Variants in DPP8 observed in about 807,000 individuals in gnomAD.
The protein encoded by DPP8 is DPP VIII.
Under a neutral mutation model 107.5 loss-of-function variants are expected in DPP8, and 31 were observed. The ratio of observed to expected loss-of-function variants is 0.29; its 90% CI spans 0.22 to 0.39. DPP8 has a LOEUF of 0.39. Among genes scored for constraint, DPP8 ranks in the 10% least tolerant of loss-of-function variants. DPP8 has a pLI of 1.00. For synonymous variants in DPP8, 381 were observed against 356.6 expected, an observed-to-expected ratio of 1.07 and a Z score of -0.77; for missense variants, 842 against 1,076.1, an observed-to-expected ratio of 0.78 and a Z score of 3.04.
chr15:65,480,032 G>C (rs1372462569), intron 10 of DPP8, among the ~76,000 whole-genome samples, 190 bp downstream of exon 10: 1 of 151,862 alleles, frequency 6.6e-6, no homozygotes, highest in Non-Finnish European at 1.5e-5. Flanking sequence ...CATTTCAATG[G>C]CATCTACTTT....
At chr15:65,496,186 T>G (rs752087099) in intron 5 of DPP8, among the ~76,000 whole-genome samples, 2 of 152,024 alleles carry the variant, frequency 1.3e-5, no homozygotes, top group Non-Finnish European at 2.9e-5. Context: ...GGTTTCACTG[T>G]GTTAGCCAGG....
chr15:65,488,261 T>A (rs2067630344), intron 6 of DPP8, among the ~76,000 whole-genome samples: 1 of 152,130 alleles, frequency 6.6e-6, no homozygotes. Context: ...CATCTTAAAA[T>A]AAAATGTCCA....
chr15:65,459,758 C>G (rs1421287843), intron 15 of DPP8, among the ~76,000 whole-genome samples: 2 of 151,952 alleles, frequency 1.3e-5, no homozygotes, highest in African/African-American at 4.8e-5. Context: ...AGTTCGAGAC[C>G]ATCTTGGCCA....
At chr15:65,451,661 A>T (rs535058333) in intron 18 of DPP8, among the ~76,000 whole-genome samples, 5 of 152,296 alleles carry the variant, frequency 3.3e-5, no homozygotes, top group African/African-American at 1.2e-4. Context: ...CCGGTGGCTC[A>T]TGCCTGTAAT....
At chr15:65,473,306 CAG>C (rs1270672345) in intron 12 of DPP8, among the ~76,000 whole-genome samples, 3 of 134,618 alleles carry the variant, frequency 2.2e-5, no homozygotes. Flanking sequence ...ACCTGGGCGA[CAG>C]AGTGAGACTC....
At chr15:65,510,557 G>A (rs1281911331) in intron 2 of DPP8, among the ~76,000 whole-genome samples, 1 of 149,638 alleles carries the variant, frequency 6.7e-6, no homozygotes, top group Non-Finnish European at 1.5e-5. Flanking sequence ...TTCTTTACTT[G>A]AGACGAAGTC....
At chr15:65,486,835 G>A (rs917491104) in intron 7 of DPP8, among the ~76,000 whole-genome samples, 3 of 152,134 alleles carry the variant, frequency 2.0e-5, no homozygotes, top group Non-Finnish European at 4.4e-5. Context: ...TCCAGAGGAA[G>A]GGTGGTGGGT....
chr15:65,490,821 T>C (rs919899010), intron 5 of DPP8, among the ~76,000 whole-genome samples: 7 of 152,062 alleles, frequency 4.6e-5, no homozygotes, highest in African/African-American at 9.7e-5. Flanking sequence ...AGCAAATAGT[T>C]TGAAGGGGAC....
chr15:65,467,874 T>G (rs914956500), intron 12 of DPP8, among the ~76,000 whole-genome samples: 1 of 152,234 alleles, frequency 6.6e-6, no homozygotes, highest in African/African-American at 2.4e-5. Context: ...TCATACATAC[T>G]TGAAAGTCTA....
At chr15:65,487,867 G>A in intron 6 of DPP8, 49 bp from the exon 7 acceptor site, 1 of 1,327,040 alleles carries the variant, frequency 7.5e-7, no homozygotes, top group Non-Finnish European at 1.1e-6. Context: ...ATTCCAGAGA[G>A]TAGTCATAAC....
intron 11 of DPP8, among the ~76,000 whole-genome samples, chr15:65,476,037 C>G (rs1023588024): frequency 3.3e-5 from 5 of 152,344 alleles, no homozygotes; most frequent in African/African-American, 1.2e-4. Flanking sequence ...CAGGCGTGGG[C>G]CACCTCACCC....
chr15:65,501,530 T>C (rs960926122), intron 3 of DPP8, among the ~76,000 whole-genome samples: 1 of 152,222 alleles, frequency 6.6e-6, no homozygotes, highest in African/African-American at 2.4e-5. Context: ...ATTTTCAAAA[T>C]AGTAATAAAT....
At chr15:65,515,967 GAATT>G (rs1376582508) in intron 1 of DPP8, 1 of 471,924 alleles carries the variant, frequency 2.1e-6, no homozygotes, top group African/African-American at 2.0e-5. Flanking sequence ...CAGAATTCAA[GAATT>G]ATTTTATTTC....
At chr15:65,478,716 G>A (rs1172854749) in intron 11 of DPP8, among the ~76,000 whole-genome samples, 164 bp downstream of exon 11, 1 of 152,116 alleles carries the variant, frequency 6.6e-6, no homozygotes, top group African/African-American at 2.4e-5. Flanking sequence ...ATTGTCCTGT[G>A]TTTTTTACAC....
Position 65,446,888 on chromosome 15 carries a change from A to G in DPP8, c.2645T>C (p.Ile882Thr). The change falls in exon 20 of 20, where the codon ATA becomes ACA. Residue 882 changes from isoleucine to threonine, a missense_variant. Coordinates refer to ENST00000300141, the MANE Select transcript of DPP8 (RefSeq NM_130434.5). ...LGSRIAALKV[I>T] is the part of the protein sequence containing the mutation. ...AGAGTTCTACACAGGTCAAAATTAT[A>G]TCACTTTTAGAGCAGCAATACGTGA... 1.2e-6 allele frequency: 2 copies of G among 1,610,380 alleles called. No individual in the cohort carries two copies. Among genetic ancestry groups the G allele is most frequent in the Non-Finnish European group, 1.7e-6 (2 of 1,178,590 alleles).
At position 65,475,813 on chromosome 15, in the gene DPP8, T is replaced by A. The variant is rs550774306; in HGVS notation, c.1457-1525A>T. Among the ~76,000 whole-genome samples the A allele has an allele frequency of 3.9e-5, 6 of 152,294 alleles. No homozygotes were observed. The South Asian group carries it at 1.2e-3, about 32-fold the overall frequency. ...CCCAGGCTACAGTGCAGCGGCACCATCACAGCTCACTGCAGCCTTTACCTC... is the reference window on the plus strand; with the variant it reads ...CCCAGGCTACAGTGCAGCGGCACCAACACAGCTCACTGCAGCCTTTACCTC... On this transcript the variant is annotated intron_variant, in intron 11 of 19. Transcript: ENST00000300141.
intron 2 of DPP8, among the ~76,000 whole-genome samples, chr15:65,510,887 G>A (rs546648990): frequency 6.6e-6 from 1 of 152,050 alleles, no homozygotes; most frequent in Non-Finnish European, 1.5e-5. Context: ...TCACTCATAA[G>A]AGAAATAAAA....
intron 12 of DPP8, among the ~76,000 whole-genome samples, chr15:65,467,690 T>C (rs1240387596): frequency 6.6e-6 from 1 of 152,184 alleles, no homozygotes; most frequent in Non-Finnish European, 1.5e-5. Context: ...TTATGACTTA[T>C]AGCTAAGAAC....
Position 65,480,495 on chromosome 15 carries a change from G to A in DPP8, c.1119-96C>T, listed in dbSNP as rs781407099. 1.3e-4 allele frequency: 98 copies of A among 777,184 alleles called. No homozygotes were observed. The Middle Eastern group carries it at 2.6e-3, about 21-fold the overall frequency. The allele number at this position is 777,184 out of a possible 1,614,324, so 48.1% of individuals were successfully genotyped here. A position where few individuals can be genotyped will look rare whatever the true frequency, so the allele number is the denominator to read the frequency against. On this transcript the variant is annotated intron_variant, in intron 9 of 19. Coordinates refer to ENST00000300141, the MANE Select transcript of DPP8 (RefSeq NM_130434.5). Reference sequence around the variant, plus strand: ...CCTTTGGCACCTATCAATTATATCTGTAATCACCATGAAAGAACTGCTTTA... The same window carrying A: ...CCTTTGGCACCTATCAATTATATCTATAATCACCATGAAAGAACTGCTTTA...
Sources: gnomAD v4.1 joint callset for allele counts (sites outside exome capture counted in the v4.1 genomes callset) on GRCh38, gnomAD v4.1.1 for gene constraint, MANE v1.5 for transcripts, NCBI Gene and HGNC (gene_info 2026-07-23, HGNC 2026-07-21) for gene names.